The following MEGF11 variants were observed in gnomAD, a reference collection of about 807,000 sequenced individuals.
MEGF11 encodes multiple epidermal growth factor-like domains protein 11.
In MEGF11, 126 loss-of-function variants were observed where a neutral mutation model predicts 146.6. The observed-to-expected ratio is 0.86, with a 90% CI of 0.74 to 1.00. MEGF11 has a LOEUF of 1.00. Ranked by LOEUF, MEGF11 falls within the 50% of genes least tolerant of loss-of-function variation. The pLI is 0.00. For synonymous variants in MEGF11, 532 were observed against 583.4 expected (o/e 0.91, Z 1.27); for missense variants, 1,509 against 1,521.2 (o/e 0.99, Z 0.13).
At chr15:66,070,769 C>T (rs190688228) in intron 5 of MEGF11, among the ~76,000 whole-genome samples, 2 of 152,130 alleles carry the variant, frequency 1.3e-5, no homozygotes, top group African/African-American at 4.8e-5. Context: ...GCAAGGCTGT[C>T]GAGGAAGTGG....
chr15:66,135,042 G>T (rs2088828496), intron 1 of MEGF11, among the ~76,000 whole-genome samples: 1 of 152,208 alleles, frequency 6.6e-6, no homozygotes, highest in African/African-American at 2.4e-5. Flanking sequence ...ACCTGCTCCA[G>T]GGCTGAGTGT....
chr15:66,076,452 A>C (rs1308057832), intron 5 of MEGF11, among the ~76,000 whole-genome samples: 1 of 152,134 alleles, frequency 6.6e-6, no homozygotes, highest in Non-Finnish European at 1.5e-5. Flanking sequence ...TAACTTTATT[A>C]ATTATTCAAT....
rs138974178 is a variant in MEGF11 at position 65,952,260 on chromosome 15, T to A, written c.1287+5287A>T. 4.4e-3 allele frequency among the ~76,000 whole-genome samples: 675 copies of A among 151,712 alleles called. 4 individuals carry two copies. The highest frequency in any genetic ancestry group is 0.014 in the African/African-American group (594 of 41,338). On this transcript the variant is annotated intron_variant, in intron 10 of 25. Transcript: ENST00000395614. ...GATTGTGGCAGGACTTAGTGGGAGA[T>A]GAGATTAGGGTAGACTAGGTTCGAG...
At chr15:66,110,713 T>C (rs2087349193) in intron 4 of MEGF11, among the ~76,000 whole-genome samples, 1 of 152,208 alleles carries the variant, frequency 6.6e-6, no homozygotes, top group African/African-American at 2.4e-5. Context: ...TTTCTGGTGA[T>C]GGCAGCAGGC....
intron 5 of MEGF11, among the ~76,000 whole-genome samples, chr15:66,030,828 T>C (rs2083489168): frequency 6.6e-6 from 1 of 152,212 alleles, no homozygotes; most frequent in South Asian, 2.1e-4. Flanking sequence ...CACAAGGACT[T>C]CAGCAAGGAA....
intron 7 of MEGF11, among the ~76,000 whole-genome samples, chr15:65,978,723 C>T (rs538948052): frequency 1.3e-5 from 2 of 152,292 alleles, no homozygotes; most frequent in Admixed American, 6.5e-5. Flanking sequence ...AGGGTCTTTC[C>T]AGAGACTGGT....
At chr15:66,196,906 C>T (rs2091022773) in intron 1 of MEGF11, among the ~76,000 whole-genome samples, 1 of 152,110 alleles carries the variant, frequency 6.6e-6, no homozygotes, top group Admixed American at 6.6e-5. Flanking sequence ...ACAGTAAGTC[C>T]TTATCTGTAG....
chr15:66,204,315 T>C (rs1195964429), intron 1 of MEGF11, among the ~76,000 whole-genome samples: 2 of 151,912 alleles, frequency 1.3e-5, no homozygotes, highest in African/African-American at 4.8e-5. Context: ...GGTGAAAGGA[T>C]CACTTGAGCC....
chr15:66,029,425 A>G (rs1452052891), intron 5 of MEGF11, among the ~76,000 whole-genome samples: 1 of 152,136 alleles, frequency 6.6e-6, no homozygotes, highest in African/African-American at 2.4e-5. Flanking sequence ...GAAACTATAC[A>G]TCCTGTGTGC....
chr15:65,903,087 T>G (rs933490706), intron 24 of MEGF11, among the ~76,000 whole-genome samples: 2 of 152,126 alleles, frequency 1.3e-5, no homozygotes, highest in Non-Finnish European at 2.9e-5. Flanking sequence ...TTCTCTTGAT[T>G]GAGAGATAGG....
chr15:65,984,515 G>C, intron 5 of MEGF11, among the ~76,000 whole-genome samples: 1 of 95,972 alleles, frequency 1.0e-5, no homozygotes, highest in Admixed American at 1.7e-4. Context: ...GATAGAGCAA[G>C]ACTCCGTGTC....
intron 1 of MEGF11, among the ~76,000 whole-genome samples, chr15:66,249,139 C>T (rs543551875): frequency 6.6e-6 from 1 of 152,296 alleles, no homozygotes; most frequent in African/African-American, 2.4e-5. Context: ...AGTTTCAAAA[C>T]ATTTTGAGAT....
chr15:65,911,514 C>T (rs28498012), intron 21 of MEGF11, among the ~76,000 whole-genome samples: 1,610 of 152,282 alleles, frequency 0.011, 34 homozygotes, highest in African/African-American at 0.036. Flanking sequence ...TGGGTTCAAG[C>T]GATCCTCCTG....
intron 1 of MEGF11, among the ~76,000 whole-genome samples, chr15:66,166,430 TC>T (rs2090099180): frequency 6.6e-6 from 1 of 152,094 alleles, no homozygotes; most frequent in African/African-American, 2.4e-5. Flanking sequence ...CTTCCCCTCT[TC>T]CAGTCTACCC....
chr15:65,898,494 T>C (rs575069326), intron 25 of MEGF11: 1 of 985,382 alleles, frequency 1.0e-6, no homozygotes, highest in East Asian at 1.1e-4. Context: ...CCACCCCCAG[T>C]ATTTGTTTCA....
intron 5 of MEGF11, among the ~76,000 whole-genome samples, chr15:66,009,829 C>T (rs1057021343): frequency 6.6e-6 from 1 of 152,048 alleles, no homozygotes; most frequent in African/African-American, 2.4e-5. Context: ...CTCCTCACTT[C>T]GTGATCCACC....
intron 5 of MEGF11, among the ~76,000 whole-genome samples, chr15:66,078,522 G>A (rs369963849): frequency 6.6e-6 from 1 of 152,344 alleles, no homozygotes; most frequent in Admixed American, 6.5e-5. Flanking sequence ...TGGGGGCAGG[G>A]CTCCCCCATC....
At chr15:66,194,370 AGG>A (rs1473335988) in intron 1 of MEGF11, among the ~76,000 whole-genome samples, 33 of 152,176 alleles carry the variant, frequency 2.2e-4, no homozygotes, top group African/African-American at 8.0e-4. Flanking sequence ...GCACTTTGGG[AGG>A]CTGAGGTGGG....
chr15:66,184,796 C>T (rs1417924635), intron 1 of MEGF11, among the ~76,000 whole-genome samples: 1 of 151,946 alleles, frequency 6.6e-6, no homozygotes, highest in Non-Finnish European at 1.5e-5. Flanking sequence ...CCCCCAACCC[C>T]CTTCTCTTGT....
Sources: allele counts gnomAD v4.1 joint callset (sites outside exome capture counted in the v4.1 genomes callset), GRCh38; gene constraint gnomAD v4.1.1; transcripts MANE v1.5; gene names NCBI Gene and HGNC (gene_info 2026-07-23, HGNC 2026-07-21).